Variants in TRIM33 observed in about 807,000 individuals in gnomAD.
TRIM33 encodes E3 ubiquitin-protein ligase TRIM33.
TRIM33 carries 20 observed loss-of-function variants against 125.4 expected under a neutral mutation model. That is an observed-to-expected ratio of 0.16 (90% CI 0.11 to 0.23). TRIM33 has a LOEUF of 0.23. TRIM33 is among the 10% of genes least tolerant of loss of function. TRIM33 has a pLI of 1.00. For missense variants in TRIM33, 920 were observed against 1,411.4 expected (o/e 0.65, Z 5.58); for synonymous variants, 564 against 513.9 (o/e 1.10, Z -1.32).
chr1:114,471,738 C>T (rs1018285608), intron 1 of TRIM33, among the ~76,000 whole-genome samples: 1 of 152,060 alleles, frequency 6.6e-6, no homozygotes, highest in Admixed American at 6.6e-5. Flanking sequence ...GAATACTGTA[C>T]AACAATGAAG....
chr1:114,448,189 C>T (rs779440515), intron 4 of TRIM33, among the ~76,000 whole-genome samples: 3 of 152,120 alleles, frequency 2.0e-5, no homozygotes, highest in African/African-American at 4.8e-5. Flanking sequence ...GGGGATGGAA[C>T]TCAGTGTATA....
At chr1:114,401,133 T>C (rs1013409591) in intron 17 of TRIM33, among the ~76,000 whole-genome samples, 1 of 150,136 alleles carries the variant, frequency 6.7e-6, no homozygotes, top group Non-Finnish European at 1.5e-5. Flanking sequence ...GCCTCCCGGG[T>C]TCATGCCATT....
At chr1:114,495,285 T>A (rs1157358968) in intron 1 of TRIM33, among the ~76,000 whole-genome samples, 1 of 152,182 alleles carries the variant, frequency 6.6e-6, no homozygotes, top group Admixed American at 6.5e-5. Flanking sequence ...TACTAGTTAC[T>A]TTCCTAGTTC....
chr1:114,460,646 G>A (rs545697437), intron 4 of TRIM33, among the ~76,000 whole-genome samples: 1 of 143,786 alleles, frequency 7.0e-6, no homozygotes, highest in African/African-American at 2.6e-5. Context: ...TTACAACAAA[G>A]GGTAACCTGA....
At chr1:114,463,638 T>C (rs1054172105) in intron 2 of TRIM33, 82 bp from the exon 3 acceptor site, 9 of 852,456 alleles carry the variant, frequency 1.1e-5, no homozygotes, top group Admixed American at 2.4e-5. Flanking sequence ...TTCTTCAATA[T>C]ACTATTTCAC....
intron 7 of TRIM33, 121 bp downstream of exon 7, chr1:114,427,627 C>T: frequency 9.9e-7 from 1 of 1,008,284 alleles, no homozygotes; most frequent in East Asian, 2.7e-5. Flanking sequence ...TTTTCTGTAT[C>T]TTGATGTGGT....
intron 1 of TRIM33, among the ~76,000 whole-genome samples, chr1:114,483,667 C>A (rs913183815): frequency 1.3e-5 from 2 of 152,054 alleles, no homozygotes; most frequent in Non-Finnish European, 2.9e-5. Flanking sequence ...CCCGCCTCAG[C>A]CTCCCAAAGT....
At chr1:114,404,674 T>C (rs1652119222) in intron 15 of TRIM33, 1 of 152,164 alleles carries the variant, frequency 6.6e-6, no homozygotes, top group Non-Finnish European at 1.5e-5. Context: ...AGGTAAGAAA[T>C]TACAATTCTT....
At position 114,510,672 on chromosome 1, in the gene TRIM33, C is replaced by G. The variant is rs972684521; in HGVS notation, c.405G>C (p.Arg135=). 5 of 1,552,770 alleles carry G rather than the reference C, an allele frequency of 3.2e-6. No homozygotes were observed. In the African/African-American group the frequency reaches 4.1e-5, roughly 13 times the overall value. Residue 135 remains arginine, a synonymous_variant, in exon 1 of 20, where the codon CGG becomes CGC. Transcript: ENST00000358465. Reference sequence around the variant, plus strand: ...GCAGCAGCTTGGGCTCCGCCTCACGCCGGCTCTGCAAGCTCTGCTGACACA... The same window carrying G: ...GCAGCAGCTTGGGCTCCGCCTCACGGCGGCTCTGCAAGCTCTGCTGACACA... ...CAVCQQSLQS[R]REAEPKLLPC...
At chr1:114,446,651 C>CA (rs1648999255) in intron 4 of TRIM33, among the ~76,000 whole-genome samples, 1 of 151,820 alleles carries the variant, frequency 6.6e-6, no homozygotes, top group Admixed American at 6.6e-5. Context: ...AAAGAGACAA[C>CA]AAAAGAACAA....
chr1:114,449,511 GATA>G (rs955277049), intron 4 of TRIM33, among the ~76,000 whole-genome samples: 22 of 152,256 alleles, frequency 1.4e-4, no homozygotes, highest in African/African-American at 2.4e-5. Context: ...ATACAAGGCT[GATA>G]ATGATGGAGA....
chr1:114,470,170 C>A (rs1650552071), intron 1 of TRIM33, among the ~76,000 whole-genome samples: 2 of 152,158 alleles, frequency 1.3e-5, no homozygotes, highest in African/African-American at 4.8e-5. Context: ...TGAAGTTATA[C>A]AGGAATATCT....
chr1:114,476,932 G>T (rs1396001095), intron 1 of TRIM33, among the ~76,000 whole-genome samples: 1 of 152,046 alleles, frequency 6.6e-6, no homozygotes, highest in Admixed American at 6.5e-5. Flanking sequence ...AACCAATCTA[G>T]AACAAAAGAG....
At chr1:114,414,959 T>A (rs1408171384) in intron 11 of TRIM33, among the ~76,000 whole-genome samples, 1 of 150,022 alleles carries the variant, frequency 6.7e-6, no homozygotes, top group African/African-American at 2.4e-5. Context: ...CCAAACTTAA[T>A]CTTACCAACA....
intron 1 of TRIM33, among the ~76,000 whole-genome samples, chr1:114,465,009 C>A (rs1650204925): frequency 6.6e-6 from 1 of 152,120 alleles, no homozygotes; most frequent in South Asian, 2.1e-4. Context: ...GGATTTCAAA[C>A]TGCTGGCCTC....
At chr1:114,443,112 G>A (rs1648756984) in intron 4 of TRIM33, among the ~76,000 whole-genome samples, 2 of 150,116 alleles carry the variant, frequency 1.3e-5, no homozygotes, top group South Asian at 2.1e-4. Context: ...GGCCAGGTGC[G>A]GTGGCTCACA....
intron 17 of TRIM33, among the ~76,000 whole-genome samples, chr1:114,401,021 C>A (rs1406966943): frequency 6.6e-6 from 1 of 151,644 alleles, no homozygotes; most frequent in South Asian, 2.1e-4. Flanking sequence ...TAGTCTAAGG[C>A]CATACTCTTT....
chr1:114,423,932 C>A (rs947133832), intron 10 of TRIM33, among the ~76,000 whole-genome samples: 1 of 152,052 alleles, frequency 6.6e-6, no homozygotes, highest in Non-Finnish European at 1.5e-5. Context: ...ACTGGTGATT[C>A]TGATGGTCTT....
At chr1:114,493,046 C>T (rs1652162446) in intron 1 of TRIM33, among the ~76,000 whole-genome samples, 1 of 152,222 alleles carries the variant, frequency 6.6e-6, no homozygotes, top group Non-Finnish European at 1.5e-5. Flanking sequence ...ACTCTAATTT[C>T]TCCACATCCT....
Sources: gnomAD v4.1 joint callset for allele counts (sites outside exome capture counted in the v4.1 genomes callset) on GRCh38, gnomAD v4.1.1 for gene constraint, MANE v1.5 for transcripts, NCBI Gene and HGNC (gene_info 2026-07-23, HGNC 2026-07-21) for gene names.